TXNDC11: variants seen among roughly 807,000 people sequenced by gnomAD.
TXNDC11 encodes the protein thioredoxin domain-containing protein 11.
In TXNDC11, 68 loss-of-function variants were observed where a neutral mutation model predicts 78.0. The ratio of observed to expected loss-of-function variants is 0.87; its 90% CI spans 0.72 to 1.07. The LOEUF (loss-of-function observed/expected upper bound fraction) is 1.07. TXNDC11 is among the 50% of genes least tolerant of loss of function. The pLI is 0.00. For synonymous variants in TXNDC11, 571 were observed against 495.2 expected (o/e 1.15, Z -2.03); for missense variants, 1,389 against 1,221.8 (o/e 1.14, Z -2.04).
chr16:11,694,220 C>T (rs2050797524), intron 7 of TXNDC11, among the ~76,000 whole-genome samples: 2 of 150,916 alleles, frequency 1.3e-5, no homozygotes, highest in Non-Finnish European at 2.9e-5. Context: ...AGCAATTCTC[C>T]TGCCTTAGCC....
chr16:11,691,750 C>T lies in TXNDC11; in HGVS notation c.1440G>A (p.Gln480=). 1 of 1,614,230 alleles carries T rather than the reference C, an allele frequency of 6.2e-7. No homozygotes were observed. Among genetic ancestry groups the T allele is most frequent in the Middle Eastern group, 1.6e-4 (1 of 6,062 alleles). The change falls in exon 8 of 12, where the codon CAG becomes CAA. Residue 480 remains glutamine (Q), a synonymous_variant. Coordinates refer to ENST00000283033, the MANE Select transcript of TXNDC11 (RefSeq NM_015914.7). ...AALDSFYLKE[Q]TFYHVASDSI... ...TGTCTGATGCCACATGATAAAAGGT[C>T]TGCTCCTTGAGGTAGAAAGAATCCA...
At chr16:11,723,770 C>T (rs2051790145) in intron 4 of TXNDC11, among the ~76,000 whole-genome samples, 1 of 152,088 alleles carries the variant, frequency 6.6e-6, no homozygotes, top group Non-Finnish European at 1.5e-5. Flanking sequence ...TCTCTTCTTC[C>T]CCCTAAAAGA....
At chr16:11,741,762 G>C (rs1456287027) in intron 1 of TXNDC11, 1 of 152,282 alleles carries the variant, frequency 6.6e-6, no homozygotes, top group Non-Finnish European at 1.5e-5. Flanking sequence ...GGCCGGGTGC[G>C]GGGCTCTCGC....
chr16:11,682,421 G>A (rs955505717), intron 11 of TXNDC11, among the ~76,000 whole-genome samples: 1 of 152,230 alleles, frequency 6.6e-6, no homozygotes, highest in Non-Finnish European at 1.5e-5. Flanking sequence ...CATGGGGCCG[G>A]AGAAATGCGC....
rs1017104459 is a variant in TXNDC11 at position 11,722,298 on chromosome 16, T to G, written c.700-628A>C. Among the ~76,000 whole-genome samples the G allele has an allele frequency of 3.3e-5, 5 of 152,246 alleles. 1 individual carries two copies. In the Middle Eastern group the frequency reaches 0.017, roughly 518 times the overall value. On this transcript the variant is annotated intron_variant, in intron 4 of 11. Transcript: ENST00000283033. ...CTCTGGCCCTCTGGCTCCTCCACCC[T>G]ACACATTCATTTCCACCTGCTCATT...
intron 4 of TXNDC11, among the ~76,000 whole-genome samples, chr16:11,722,894 C>T: frequency 6.6e-6 from 1 of 152,140 alleles, no homozygotes; most frequent in South Asian, 2.1e-4. Flanking sequence ...ACTATCTTTC[C>T]AATCTAAACC....
At chr16:11,688,670 A>G in intron 8 of TXNDC11, 1 of 422,866 alleles carries the variant, frequency 2.4e-6, no homozygotes, top group Non-Finnish European at 4.3e-6. Flanking sequence ...AACACTATGC[A>G]ATGTTAGATG....
At chr16:11,707,882 A>G (rs2051229467) in intron 5 of TXNDC11, among the ~76,000 whole-genome samples, 1 of 152,072 alleles carries the variant, frequency 6.6e-6, no homozygotes, top group African/African-American at 2.4e-5. Flanking sequence ...CAGGAGGTCA[A>G]GACCAGCCTG....
chr16:11,690,540 C>A (rs1284670890), intron 8 of TXNDC11, among the ~76,000 whole-genome samples: 1 of 152,088 alleles, frequency 6.6e-6, no homozygotes, highest in Non-Finnish European at 1.5e-5. Flanking sequence ...CAAGGCGGCT[C>A]TACTTCCTTC....
intron 5 of TXNDC11, among the ~76,000 whole-genome samples, chr16:11,718,604 G>A (rs1395117706): frequency 6.6e-6 from 1 of 152,002 alleles, no homozygotes; most frequent in Non-Finnish European, 1.5e-5. Flanking sequence ...AACCCCAGAT[G>A]CCCAAGGCAA....
At position 11,692,562 on chromosome 16, in the gene TXNDC11, G is replaced by A. The variant is rs140744383; in HGVS notation, c.1108-480C>T. Among the ~76,000 whole-genome samples the A allele has an allele frequency of 3.5e-3, 526 of 152,166 alleles. 5 individuals carry two copies. The highest frequency in any genetic ancestry group is 0.012 in the African/African-American group (500 of 41,514). ...AAGAGGTAAGGATGTTAAGATCTTC[G>A]GTAAGAACGAATCTTCTACCCATGA... On this transcript the variant is annotated intron_variant, in intron 7 of 11. Coordinates refer to ENST00000283033, the MANE Select transcript of TXNDC11 (RefSeq NM_015914.7).
rs1356092309 is a variant in TXNDC11 at position 11,679,871 on chromosome 16, G to A, written c.2235-34C>T. On this transcript the variant is annotated intron_variant, in intron 11 of 11. Transcript: ENST00000283033. The surrounding 1 kb of genome is among the most constrained non-coding windows in gnomAD (Gnocchi z 4.6). Reference sequence around the variant, plus strand: ...AGAGGGAAAGGAAGCAAAGACAGGAGTCACACCAACACAATGAGTCCAAAA... The same window carrying A: ...AGAGGGAAAGGAAGCAAAGACAGGAATCACACCAACACAATGAGTCCAAAA... 3.8e-6 allele frequency: 6 copies of A among 1,579,544 alleles called. No homozygotes were observed. The highest frequency in any genetic ancestry group is 5.2e-6 in the Non-Finnish European group (6 of 1,158,040).
At chr16:11,716,308 C>G (rs1271690660) in intron 5 of TXNDC11, among the ~76,000 whole-genome samples, 1 of 152,144 alleles carries the variant, frequency 6.6e-6, no homozygotes, top group East Asian at 1.9e-4. Flanking sequence ...AAAATGTTAC[C>G]AGAACACATT....
chr16:11,725,593 T>G (rs1005169619), intron 4 of TXNDC11, among the ~76,000 whole-genome samples: 1 of 152,176 alleles, frequency 6.6e-6, no homozygotes, highest in Non-Finnish European at 1.5e-5. Context: ...TGTAGGTAAA[T>G]CACAGCCTCC....
At chr16:11,712,929 A>AACCCACACACAC in intron 5 of TXNDC11, among the ~76,000 whole-genome samples, 1 of 142,086 alleles carries the variant, frequency 7.0e-6, no homozygotes, top group South Asian at 2.3e-4. Context: ...TTCCACTTAA[A>AACCCACACACAC]ACACACACAC....
chr16:11,694,643 T>G (rs1273094570), intron 7 of TXNDC11, among the ~76,000 whole-genome samples: 2 of 152,176 alleles, frequency 1.3e-5, no homozygotes, highest in African/African-American at 4.8e-5. Context: ...AGACGAGGTT[T>G]CACTATGTTG....
intron 7 of TXNDC11, among the ~76,000 whole-genome samples, chr16:11,692,660 T>C (rs767544810): frequency 3.5e-4 from 54 of 152,122 alleles, no homozygotes; most frequent in Non-Finnish European, 2.9e-4. Context: ...CAGGCATTCA[T>C]TGGGGGTCTT....
chr16:11,694,832 A>G (rs17606079), intron 7 of TXNDC11, among the ~76,000 whole-genome samples: 1 of 150,926 alleles, frequency 6.6e-6, no homozygotes, highest in African/African-American at 2.5e-5. Context: ...TTTACCTAAC[A>G]GGCAGTTTTG....
intron 1 of TXNDC11, among the ~76,000 whole-genome samples, chr16:11,740,876 T>C (rs908299797): frequency 6.6e-6 from 1 of 152,212 alleles, no homozygotes; most frequent in African/African-American, 2.4e-5. Context: ...CTCTCAATTA[T>C]GTACTAAATG....
Sources: allele counts gnomAD v4.1 joint callset (sites outside exome capture counted in the v4.1 genomes callset), GRCh38; gene constraint gnomAD v4.1.1; non-coding constraint Gnocchi (gnomAD v3.1); transcripts MANE v1.5; gene names NCBI Gene and HGNC (gene_info 2026-07-23, HGNC 2026-07-21).